The following ADGRF5 variants were observed in gnomAD, a reference collection of about 807,000 sequenced individuals.
ADGRF5 encodes G-protein coupled receptor 116.
Under a neutral mutation model 132.3 loss-of-function variants are expected in ADGRF5, and 75 were observed. The observed-to-expected ratio is 0.57, with a 90% confidence interval of 0.47 to 0.69. ADGRF5 has a LOEUF of 0.69. Ranked by LOEUF, ADGRF5 falls within the 30% of genes least tolerant of loss-of-function variation. The probability of loss-of-function intolerance (pLI) is 0.00; values close to 1 mark genes in which losing one functional copy is unlikely to be tolerated. For missense variants in ADGRF5, 1,516 were observed against 1,630.6 expected, an observed-to-expected ratio of 0.93 and a Z score of 1.21; for synonymous variants, 629 against 597.6, an observed-to-expected ratio of 1.05 and a Z score of -0.77.
At chr6:46,944,392 A>G (rs566729913) in intron 1 of ADGRF5, among the ~76,000 whole-genome samples, 1 of 152,306 alleles carries the variant, frequency 6.6e-6, no homozygotes, top group Non-Finnish European at 1.5e-5. Context: ...CTAACAGGAC[A>G]CTGACTGGCA....
chr6:46,889,218 A>G lies in ADGRF5; in HGVS notation c.158-713T>C, dbSNP rs921524210. Among the ~76,000 whole-genome samples, 3 of 147,124 alleles carry G rather than the reference A, an allele frequency of 2.0e-5. No homozygotes were observed. The Admixed American group carries it at 2.0e-4, about 10-fold the overall frequency. On this transcript the variant is annotated intron_variant, in intron 3 of 20. Transcript: ENST00000283296. ...ATATATATATATAAAATATATAGAG[A>G]GAGTATATATAGTATATACAGTCTC...
chr6:46,877,322 CTTCTTTCTTTCT>C (rs201240602), intron 10 of ADGRF5, among the ~76,000 whole-genome samples: 3,004 of 29,918 alleles, frequency 0.1, 74 homozygotes, highest in Non-Finnish European at 0.13. Flanking sequence ...TCCTTCCTTC[CTTCTTTCTTTCT>C]TTCTTTCTTT....
chr6:46,933,749 A>G (rs754183167), intron 1 of ADGRF5, among the ~76,000 whole-genome samples: 2 of 152,194 alleles, frequency 1.3e-5, no homozygotes, highest in Non-Finnish European at 2.9e-5. Flanking sequence ...ATCTCAGCAC[A>G]ATGAGGGGGT....
upstream of ADGRF5, among the ~76,000 whole-genome samples, chr6:46,922,949 C>T (rs1346001705): frequency 2.0e-5 from 3 of 152,144 alleles, no homozygotes; most frequent in South Asian, 2.1e-4. Context: ...TGTTTTTAGA[C>T]GGAGTCTCGC....
rs963554845 is a variant in ADGRF5, at chr6:46,899,955, A to G, written c.157+74T>C. On this transcript the variant is annotated intron_variant, in intron 3 of 20. Coordinates refer to ENST00000283296, the MANE Select transcript of ADGRF5 (RefSeq NM_001098518.2). Reference sequence around the variant, plus strand: ...TGGAGGCTGAATTATGTAGACTACAATGTTTTAAAAAGTTGCAACACATAC... The same window carrying G: ...TGGAGGCTGAATTATGTAGACTACAGTGTTTTAAAAAGTTGCAACACATAC... 27 of 1,007,812 alleles carry G rather than the reference A, an allele frequency of 2.7e-5. No homozygotes were observed. In the East Asian group the frequency reaches 5.9e-4, roughly 22 times the overall value. The allele number at this position is 1,007,812 out of a possible 1,614,324, so 62.4% of individuals were successfully genotyped here.
At chr6:46,942,666 G>A (rs1354516369) in intron 1 of ADGRF5, among the ~76,000 whole-genome samples, 1 of 152,210 alleles carries the variant, frequency 6.6e-6, no homozygotes, top group Non-Finnish European at 1.5e-5. Context: ...CTTCTGTCAT[G>A]AGAAGCCTGC....
At chr6:46,891,990 C>T (rs1407778366) in intron 3 of ADGRF5, among the ~76,000 whole-genome samples, 1 of 152,016 alleles carries the variant, frequency 6.6e-6, no homozygotes, top group Non-Finnish European at 1.5e-5. Context: ...TGGGGAACCT[C>T]GAATAGAGAA....
At chr6:46,883,743 T>A in intron 5 of ADGRF5, 78 bp from the exon 6 acceptor site, 2 of 792,572 alleles carry the variant, frequency 2.5e-6, no homozygotes, top group Non-Finnish European at 4.1e-6. Flanking sequence ...TTGTAAGCTG[T>A]TTTTGTTTGT....
intron 1 of ADGRF5, among the ~76,000 whole-genome samples, chr6:46,931,803 C>T (rs942426355): frequency 1.3e-5 from 2 of 152,154 alleles, no homozygotes; most frequent in African/African-American, 4.8e-5. Flanking sequence ...ATCTGTAATC[C>T]CAGCTACTCG....
At position 46,881,259 on chromosome 6, in the gene ADGRF5, C is replaced by A. The variant is rs545711187; in HGVS notation, c.814+196G>T. Among the ~76,000 whole-genome samples, 13 of 152,228 alleles carry A rather than the reference C, an allele frequency of 8.5e-5. No individual in the cohort carries two copies. In the South Asian group the frequency reaches 2.7e-3, roughly 32 times the overall value. On this transcript the variant is annotated intron_variant, in intron 8 of 20. Transcript: ENST00000283296. ...TGGCCCCCTTGTAAATCCCTGTGCCCCTTTTCCACACACCCCAGGTACAGT... is the reference window on the plus strand; with the variant it reads ...TGGCCCCCTTGTAAATCCCTGTGCCACTTTTCCACACACCCCAGGTACAGT...
chr6:46,911,930 G>T (rs369597441), intron 1 of ADGRF5, among the ~76,000 whole-genome samples: 1 of 151,956 alleles, frequency 6.6e-6, no homozygotes, highest in African/African-American at 2.4e-5. Context: ...AAGTGCTACC[G>T]AGAACAGTAA....
At chr6:46,941,442 AAAAGAAAAGAAAAGAAAAGAAAAG>A (rs71536395) in intron 1 of ADGRF5, among the ~76,000 whole-genome samples, 3,017 of 51,322 alleles carry the variant, frequency 0.059, 42 homozygotes, top group East Asian at 0.083. Flanking sequence ...AAAAGAAAAG[AAAAGAAAAGAAAAGAAAAGAAAAG>A]AAAGAAAAGA....
At chr6:46,949,520 T>C (rs538424961) in intron 1 of ADGRF5, among the ~76,000 whole-genome samples, 3 of 152,238 alleles carry the variant, frequency 2.0e-5, no homozygotes, top group Non-Finnish European at 4.4e-5. Flanking sequence ...GCCAGTGAAC[T>C]TGACTCACAG....
chr6:46,881,157 TA>T (rs1772419256), intron 8 of ADGRF5, among the ~76,000 whole-genome samples: 1 of 152,238 alleles, frequency 6.6e-6, no homozygotes, highest in African/African-American at 2.4e-5. Context: ...TGTGAATATT[TA>T]AACCTCCACT....
intron 10 of ADGRF5, among the ~76,000 whole-genome samples, chr6:46,872,407 G>A (rs1389593926): frequency 6.6e-6 from 1 of 152,182 alleles, no homozygotes; most frequent in East Asian, 1.9e-4. Flanking sequence ...ATGGTTTTTT[G>A]AATGTGAACA....
intron 1 of ADGRF5, among the ~76,000 whole-genome samples, chr6:46,907,471 C>T (rs905036172): frequency 6.6e-6 from 1 of 151,982 alleles, no homozygotes; most frequent in Non-Finnish European, 1.5e-5. Flanking sequence ...TCCCAAAGTG[C>T]CAGGATTACA....
At chr6:46,946,529 G>T (rs1778308089) in intron 1 of ADGRF5, among the ~76,000 whole-genome samples, 1 of 152,166 alleles carries the variant, frequency 6.6e-6, no homozygotes, top group Non-Finnish European at 1.5e-5. Flanking sequence ...GTTAGGAAGA[G>T]CTTCTGCTCC....
chr6:46,896,354 A>G (rs576732227), intron 3 of ADGRF5, among the ~76,000 whole-genome samples: 1 of 152,112 alleles, frequency 6.6e-6, no homozygotes, highest in Non-Finnish European at 1.5e-5. Flanking sequence ...TCTAGGTTTC[A>G]TGCAGGCTTC....
intron 2 of ADGRF5, chr6:46,905,374 C>T (rs1775232156): frequency 6.6e-6 from 1 of 151,740 alleles, no homozygotes; most frequent in South Asian, 2.1e-4. Flanking sequence ...ACAAAGATAA[C>T]CTAGGTCAAA....
Sources: allele counts gnomAD v4.1 joint callset (sites outside exome capture counted in the v4.1 genomes callset), GRCh38; gene constraint gnomAD v4.1.1; transcripts MANE v1.5; gene names NCBI Gene and HGNC (gene_info 2026-07-23, HGNC 2026-07-21).